ZNF536: variants seen among roughly 807,000 people sequenced by gnomAD.
ZNF536 encodes the protein zinc finger protein 536.
ZNF536 carries 13 observed loss-of-function variants against 84.5 expected under a neutral mutation model. That is an observed-to-expected ratio of 0.15 (90% CI 0.10 to 0.24). ZNF536 has a LOEUF of 0.24. ZNF536 is among the 10% of genes least tolerant of loss of function. The pLI is 1.00. For missense variants in ZNF536, 1,536 were observed against 1,747.5 expected (o/e 0.88, Z 2.16); for synonymous variants, 811 against 742.5 (o/e 1.09, Z -1.50).
intron 1 of ZNF536, among the ~76,000 whole-genome samples, chr19:30,599,014 C>T (rs1303017766): frequency 6.2e-5 from 6 of 97,068 alleles, no homozygotes; most frequent in African/African-American, 3.1e-4. Flanking sequence ...CTTCCCTCTT[C>T]CTTCCTCCCT....
chr19:30,231,503 G>T (rs1238480228), intron 1 of ZNF536, among the ~76,000 whole-genome samples: 4 of 152,228 alleles, frequency 2.6e-5, no homozygotes, highest in Non-Finnish European at 5.9e-5. Context: ...CTGGGCTGAG[G>T]CTGTGGAGGA....
intron 2 of ZNF536, among the ~76,000 whole-genome samples, chr19:30,294,073 C>T (rs186011603): frequency 1.4e-4 from 22 of 152,274 alleles, no homozygotes; most frequent in Admixed American, 2.6e-4. Flanking sequence ...TTCCCTGACT[C>T]TTCTACTCCG....
At chr19:30,443,426 G>A (rs1390616648) in intron 1 of ZNF536, 135 bp from the exon 2 acceptor site, 3 of 1,306,468 alleles carry the variant, frequency 2.3e-6, no homozygotes, top group Non-Finnish European at 3.0e-6. Flanking sequence ...TTTTATTATT[G>A]TTTTTGACAA....
At chr19:30,627,017 C>G (rs1193505169) in intron 1 of ZNF536, among the ~76,000 whole-genome samples, 4 of 152,118 alleles carry the variant, frequency 2.6e-5, no homozygotes, top group African/African-American at 9.7e-5. Context: ...GTGGGGAGTA[C>G]TGGGCTCTGG....
intron 1 of ZNF536, among the ~76,000 whole-genome samples, chr19:30,667,625 C>CTTTTTTTTTT (rs57656065): frequency 0.24 from 28,871 of 121,186 alleles, 3,857 homozygotes; most frequent in East Asian, 0.33. Flanking sequence ...TTTTTTCTAG[C>CTTTTTTTTTT]TTTTTTTTTT....
intron 2 of ZNF536, among the ~76,000 whole-genome samples, chr19:30,302,274 G>A (rs935726123): frequency 2.0e-5 from 3 of 152,160 alleles, no homozygotes; most frequent in African/African-American, 4.8e-5. Context: ...TCCGTCCTGC[G>A]GCAGGGAGGG....
chr19:30,539,124 C>G (rs1050955473), intron 3 of ZNF536, among the ~76,000 whole-genome samples: 5 of 151,230 alleles, frequency 3.3e-5, no homozygotes, highest in Admixed American at 6.6e-5. Flanking sequence ...ATGCACCCCC[C>G]CCACACACAC....
chr19:30,366,858 C>T (rs926786083), intron 3 of ZNF536, among the ~76,000 whole-genome samples: 6 of 152,120 alleles, frequency 3.9e-5, no homozygotes, highest in Non-Finnish European at 8.8e-5. Context: ...AATGCCACAC[C>T]AAGTGTTCAA....
At chr19:30,292,166 A>G (rs987545748) in intron 2 of ZNF536, among the ~76,000 whole-genome samples, 3 of 152,220 alleles carry the variant, frequency 2.0e-5, no homozygotes, top group African/African-American at 7.2e-5. Context: ...TTGCAGACAC[A>G]GAAACTGAGG....
At chr19:30,369,978 G>A (rs1373914558), upstream of ZNF536, among the ~76,000 whole-genome samples, 2 of 152,150 alleles carry the variant, frequency 1.3e-5, no homozygotes. Context: ...GTGGGGGGAT[G>A]GCCATCGCTG....
chr19:30,696,592 T>C (rs2051669837), intron 1 of ZNF536, among the ~76,000 whole-genome samples: 1 of 152,200 alleles, frequency 6.6e-6, no homozygotes, highest in African/African-American at 2.4e-5. Flanking sequence ...CCAGGCGGGC[T>C]GATGGCTCCA....
chr19:30,355,858 G>A (rs1600360433), intron 3 of ZNF536, among the ~76,000 whole-genome samples: 2 of 152,264 alleles, frequency 1.3e-5, no homozygotes, highest in Middle Eastern at 3.4e-3. Context: ...ATGATCTAAA[G>A]TGGCACAGTT....
At chr19:30,261,126 G>A (rs1334907685) in intron 1 of ZNF536, among the ~76,000 whole-genome samples, 1 of 151,142 alleles carries the variant, frequency 6.6e-6, no homozygotes, top group Non-Finnish European at 1.5e-5. Context: ...GTGAAACCCC[G>A]TCTCTACTAA....
At chr19:30,286,986 A>G (rs999227060) in intron 2 of ZNF536, among the ~76,000 whole-genome samples, 2 of 152,190 alleles carry the variant, frequency 1.3e-5, no homozygotes, top group Non-Finnish European at 2.9e-5. Flanking sequence ...TGTTAGGAAG[A>G]TTTGGAATCC....
chr19:30,286,804 A>G (rs1600080741), intron 2 of ZNF536, among the ~76,000 whole-genome samples: 1 of 152,364 alleles, frequency 6.6e-6, no homozygotes, highest in East Asian at 1.9e-4. Context: ...ATAATGAGGA[A>G]TAAAGCTTCT....
intron 1 of ZNF536, among the ~76,000 whole-genome samples, chr19:30,703,959 A>G (rs562363421): frequency 2.8e-4 from 42 of 152,306 alleles, no homozygotes; most frequent in African/African-American, 9.9e-4. Flanking sequence ...CAGCCTTACA[A>G]AAGAGGGAAG....
intron 1 of ZNF536, among the ~76,000 whole-genome samples, chr19:30,389,001 G>A (rs942087334): frequency 4.6e-5 from 7 of 152,186 alleles, no homozygotes; most frequent in Admixed American, 3.3e-4. Flanking sequence ...AAGGCTTGAC[G>A]ACCTGTGAGG....
downstream of ZNF536, among the ~76,000 whole-genome samples, chr19:30,561,288 C>G (rs552570863): frequency 2.0e-5 from 3 of 152,276 alleles, no homozygotes; most frequent in East Asian, 3.9e-4. Flanking sequence ...GGGTTGACCA[C>G]GAGGACAGGC....
intron 1 of ZNF536, among the ~76,000 whole-genome samples, chr19:30,273,691 T>C (rs991723784): frequency 6.6e-6 from 1 of 152,226 alleles, no homozygotes; most frequent in Non-Finnish European, 1.5e-5. Flanking sequence ...TAGCTTGTCT[T>C]TTCATTCTCT....
Sources: allele counts gnomAD v4.1 joint callset (sites outside exome capture counted in the v4.1 genomes callset), GRCh38; gene constraint gnomAD v4.1.1; transcripts MANE v1.5; gene names NCBI Gene and HGNC (gene_info 2026-07-23, HGNC 2026-07-21).